MZT2B: variants seen among roughly 807,000 people sequenced by gnomAD.
MZT2B encodes mitotic-spindle organizing protein 2B.
In MZT2B, 11 loss-of-function variants were observed where a neutral mutation model predicts 12.1. That is an observed-to-expected ratio of 0.91 (90% CI 0.57 to 1.50). MZT2B has a LOEUF of 1.50. MZT2B is among the 40% of genes most tolerant of loss of function. MZT2B has a pLI of 0.00. For missense variants in MZT2B, 209 were observed against 227.7 expected (o/e 0.92, Z 0.53); for synonymous variants, 85 against 109.5 (o/e 0.78, Z 1.40).
chr2:130,203,054 T>C, the MZT2B span, among the ~76,000 whole-genome samples: 27 of 139,090 alleles, frequency 1.9e-4, no homozygotes, highest in Non-Finnish European at 3.2e-4. Flanking sequence ...TTTTCTTTTT[T>C]TTTTTTTTTT....
intron 2 of MZT2B, chr2:130,183,950 G>T (rs977274690): frequency 1.9e-6 from 3 of 1,550,418 alleles, no homozygotes; most frequent in Non-Finnish European, 2.6e-6. Flanking sequence ...CTTGCTGCCT[G>T]TTCTCTCCTT....
chr2:130,185,422 G>C (rs933813549), intron 2 of MZT2B, among the ~76,000 whole-genome samples: 4 of 150,162 alleles, frequency 2.7e-5, no homozygotes, highest in African/African-American at 9.8e-5. Context: ...GGATGTTGCC[G>C]TGAGCCAAGA....
chr2:130,195,036 C>T, downstream of MZT2B: 1 of 1,606,232 alleles, frequency 6.2e-7, no homozygotes, highest in South Asian at 1.1e-5. Flanking sequence ...AGAACTACCC[C>T]TCCCATGCAA....
chr2:130,201,742 G>A, the MZT2B span, among the ~76,000 whole-genome samples: 3,845 of 152,228 alleles, frequency 0.025, 140 homozygotes, highest in African/African-American at 0.081. Flanking sequence ...GCATCATCAG[G>A]TAATTTCGTT....
chr2:130,183,785 A>G (rs939381505), intron 2 of MZT2B: 2 of 1,550,630 alleles, frequency 1.3e-6, no homozygotes, highest in South Asian at 1.2e-5. Flanking sequence ...TCTGACCTCC[A>G]GAGGCCTCCT....
At position 130,182,269 on chromosome 2, in the gene MZT2B, C is replaced by A; in HGVS notation, c.-14C>A. On this transcript the variant is annotated 5_prime_UTR_variant, in exon 1 of 3. Coordinates refer to ENST00000281871, the MANE Select transcript of MZT2B (RefSeq NM_025029.5). ...CGCGGCGGGGCGGAGCGCACCTTTCCGCGGGCCGCGGGGATGGCGGCGCAG... is the reference window on the plus strand; with the variant it reads ...CGCGGCGGGGCGGAGCGCACCTTTCAGCGGGCCGCGGGGATGGCGGCGCAG... 5.4e-6 allele frequency: 7 copies of A among 1,297,652 alleles called. No individual in the cohort carries two copies. The highest frequency in any genetic ancestry group is 6.8e-6 in the Non-Finnish European group (7 of 1,031,704). 80.4% of individuals were successfully genotyped at this position (1,297,652 alleles called of 1,614,324 possible).
chr2:130,196,135 G>C, the MZT2B span: 3 of 1,605,812 alleles, frequency 1.9e-6, no homozygotes, highest in African/African-American at 4.0e-5. Context: ...GCCATCCAGT[G>C]CCCAGGCACC....
At chr2:130,181,656 C>A (rs1423310876), upstream of MZT2B, 15 of 1,551,530 alleles carry the variant, frequency 9.7e-6, no homozygotes, top group Non-Finnish European at 3.5e-6. Flanking sequence ...GCTTCCACCT[C>A]TTTGGGCCGT....
At chr2:130,193,827 G>A (rs139294946), downstream of MZT2B, 115 of 1,613,728 alleles carry the variant, frequency 7.1e-5, no homozygotes, top group African/African-American at 1.2e-3. Context: ...TGGATAGTGC[G>A]CTTGGTCTTG....
chr2:130,183,912 C>G, intron 2 of MZT2B: 1 of 1,550,578 alleles, frequency 6.4e-7, no homozygotes, highest in Non-Finnish European at 8.7e-7. Context: ...GCCTCTCTCT[C>G]CAGGCCCCCC....
intron 2 of MZT2B, among the ~76,000 whole-genome samples, chr2:130,185,346 G>T (rs909516711): frequency 6.6e-6 from 1 of 151,698 alleles, no homozygotes; most frequent in East Asian, 1.9e-4. Context: ...GGGCATGGTG[G>T]TGGCGCCCAT....
At chr2:130,182,260 G>T, upstream of MZT2B, 1 of 1,287,976 alleles carries the variant, frequency 7.8e-7, no homozygotes, top group Non-Finnish European at 9.7e-7. Context: ...GGGGCGGAGC[G>T]CACCTTTCCG....
At chr2:130,195,372 G>A (rs1277776203), downstream of MZT2B, 5 of 1,294,552 alleles carry the variant, frequency 3.9e-6, no homozygotes, top group Non-Finnish European at 5.2e-6. Flanking sequence ...GCAGTGTCTG[G>A]TAGAAAATGT....
At chr2:130,191,578 CTA>C (rs1690259215), downstream of MZT2B, among the ~76,000 whole-genome samples, 2 of 152,210 alleles carry the variant, frequency 1.3e-5, no homozygotes, top group African/African-American at 4.8e-5. Flanking sequence ...TGAAGAAACA[CTA>C]TTTTCCCCTG....
intron 2 of MZT2B, among the ~76,000 whole-genome samples, chr2:130,188,512 G>A: frequency 6.6e-6 from 1 of 152,194 alleles, no homozygotes; most frequent in Non-Finnish European, 1.5e-5. Flanking sequence ...ACGAGTCACT[G>A]CTGGGCTGAG....
the MZT2B span, among the ~76,000 whole-genome samples, chr2:130,197,323 T>C: frequency 6.7e-6 from 1 of 148,214 alleles, no homozygotes; most frequent in Admixed American, 6.9e-5. Context: ...CCTGTCCCTA[T>C]GAAAAATTTA....
the MZT2B span, among the ~76,000 whole-genome samples, chr2:130,203,998 G>T: frequency 4.8e-5 from 7 of 147,072 alleles, no homozygotes; most frequent in Non-Finnish European, 7.5e-5. Flanking sequence ...TTTGGCTGGG[G>T]TGAGGTGAGC....
rs748483609 is a variant in MZT2B, at chr2:130,183,886, C to T, written c.319+1111C>T. On this transcript the variant is annotated intron_variant, in intron 2 of 2. Transcript: ENST00000281871. ...GCCTCTCCGGTTCTGCTCCACAGCC[C>T]GGCTGCCACACACTCGCCTCTCTCT... 7.1e-6 allele frequency: 11 copies of T among 1,550,608 alleles called. No homozygotes were observed. The South Asian group carries it at 7.1e-5, about 10-fold the overall frequency.
chr2:130,185,505 C>T lies in MZT2B; in HGVS notation c.319+2730C>T, dbSNP rs1386383948. ...AAAAAAAAAAAAAAAAGAAAAACCG[C>T]TAGCAATGGAGATGGGAGGAGGCTT... is the stretch of plus-strand genomic sequence containing the variant. On this transcript the variant is annotated intron_variant, in intron 2 of 2. Coordinates refer to ENST00000281871, the MANE Select transcript of MZT2B (RefSeq NM_025029.5). Among the ~76,000 whole-genome samples, 2 of 81,368 alleles carry T rather than the reference C, an allele frequency of 2.5e-5. 1 individual carries two copies. Among genetic ancestry groups the T allele is most frequent in the African/African-American group, 7.6e-5 (2 of 26,352 alleles). 53.4% of individuals were successfully genotyped at this position (81,368 alleles called of 152,430 possible).
Sources: gnomAD v4.1 joint callset for allele counts (sites outside exome capture counted in the v4.1 genomes callset) on GRCh38, gnomAD v4.1.1 for gene constraint, MANE v1.5 for transcripts, NCBI Gene and HGNC (gene_info 2026-07-23, HGNC 2026-07-21) for gene names.